The following ATRNL1 variants were observed in gnomAD, a reference collection of about 807,000 sequenced individuals.
The protein encoded by ATRNL1 is attractin-like protein 1.
ATRNL1 carries 95 observed loss-of-function variants against 182.7 expected under a neutral mutation model. The ratio of observed to expected loss-of-function variants is 0.52; its 90% CI spans 0.44 to 0.62. ATRNL1 has a LOEUF of 0.62. Ranked by LOEUF, ATRNL1 falls within the 20% of genes least tolerant of loss-of-function variation. The pLI, the probability that ATRNL1 is intolerant of heterozygous loss-of-function variation, is 0.00. For synonymous variants in ATRNL1, 576 were observed against 568.3 expected, an observed-to-expected ratio of 1.01 and a Z score of -0.19; for missense variants, 1,471 against 1,679.5, an observed-to-expected ratio of 0.88 and a Z score of 2.17.
At chr10:115,117,188 C>T (rs1844525198) in intron 1 of ATRNL1, among the ~76,000 whole-genome samples, 1 of 151,912 alleles carries the variant, frequency 6.6e-6, no homozygotes, top group Admixed American at 6.6e-5. Flanking sequence ...AGCATGTATC[C>T]TTTGTGTTAC....
chr10:115,100,902 G>A (rs1843743387), intron 1 of ATRNL1, among the ~76,000 whole-genome samples: 1 of 152,142 alleles, frequency 6.6e-6, no homozygotes, highest in South Asian at 2.1e-4. Flanking sequence ...TAATCTGTCA[G>A]CAGTGTTTTT....
intron 1 of ATRNL1, among the ~76,000 whole-genome samples, chr10:115,095,378 A>ATT (rs2084986385): frequency 6.8e-6 from 1 of 147,204 alleles, no homozygotes. Flanking sequence ...TTTTTTTTAA[A>ATT]AAAAAACTTA....
At chr10:115,353,448 A>G (rs1188742927) in intron 19 of ATRNL1, among the ~76,000 whole-genome samples, 1 of 151,642 alleles carries the variant, frequency 6.6e-6, no homozygotes, top group Non-Finnish European at 1.5e-5. Context: ...TTTTTAGTGT[A>G]TGTTGTTTTT....
chr10:115,704,522 A>G (rs1555052538), intron 26 of ATRNL1, among the ~76,000 whole-genome samples: 1 of 151,960 alleles, frequency 6.6e-6, no homozygotes, highest in Non-Finnish European at 1.5e-5. Flanking sequence ...TTTAAATTGT[A>G]TATATGAGTT....
intron 26 of ATRNL1, among the ~76,000 whole-genome samples, chr10:115,650,851 T>A (rs1173812522): frequency 6.6e-6 from 1 of 152,096 alleles, no homozygotes; most frequent in African/African-American, 2.4e-5. Context: ...CCAAAGCCAT[T>A]TCTGTGTTTT....
intron 8 of ATRNL1, among the ~76,000 whole-genome samples, chr10:115,188,385 A>G (rs1303606872): frequency 1.3e-5 from 2 of 152,074 alleles, no homozygotes; most frequent in African/African-American, 2.4e-5. Context: ...TACGGCTTTT[A>G]GGGAATCTAC....
At chr10:115,181,465 G>A (rs1847743138) in intron 8 of ATRNL1, among the ~76,000 whole-genome samples, 1 of 151,540 alleles carries the variant, frequency 6.6e-6, no homozygotes, top group Non-Finnish European at 1.5e-5. Flanking sequence ...GTCTTTCAAA[G>A]AACAAAGAGA....
At chr10:115,772,918 G>A (rs1032795980) in intron 27 of ATRNL1, among the ~76,000 whole-genome samples, 3 of 152,102 alleles carry the variant, frequency 2.0e-5, no homozygotes, top group African/African-American at 7.2e-5. Context: ...AGAGCATGGA[G>A]GGAAATTGTC....
At chr10:115,892,745 T>C (rs2134467046) in intron 28 of ATRNL1, among the ~76,000 whole-genome samples, 1 of 152,270 alleles carries the variant, frequency 6.6e-6, no homozygotes, top group East Asian at 1.9e-4. Flanking sequence ...ACTCTAGATA[T>C]AGAAAATTCA....
At chr10:115,235,658 T>C (rs1396493764) in intron 9 of ATRNL1, among the ~76,000 whole-genome samples, 1 of 152,188 alleles carries the variant, frequency 6.6e-6, no homozygotes, top group Non-Finnish European at 1.5e-5. Context: ...ATTTGGGTTG[T>C]TTTCACTTTT....
chr10:115,484,746 G>A (rs1554974846), intron 24 of ATRNL1, among the ~76,000 whole-genome samples: 1 of 151,772 alleles, frequency 6.6e-6, no homozygotes, highest in South Asian at 2.1e-4. Context: ...TTCTCTCAGA[G>A]TTAACCATAT....
At chr10:115,254,932 G>T (rs1462917027) in intron 10 of ATRNL1, among the ~76,000 whole-genome samples, 2 of 152,168 alleles carry the variant, frequency 1.3e-5, no homozygotes, top group African/African-American at 2.4e-5. Flanking sequence ...GTTTGTCAAA[G>T]ATCAGATGTT....
chr10:115,238,923 G>GT (rs1395238614), intron 9 of ATRNL1, among the ~76,000 whole-genome samples: 3 of 152,042 alleles, frequency 2.0e-5, no homozygotes, highest in African/African-American at 7.2e-5. Context: ...AGTTTGCTGA[G>GT]TTTTTATCAT....
At position 115,374,459 on chromosome 10, in the gene ATRNL1, TCC is replaced by T. The variant is rs1554948980; in HGVS notation, c.3176-20199_3176-20198del. Among the ~76,000 whole-genome samples the T allele has an allele frequency of 7.2e-4, 103 of 142,276 alleles. 1 individual carries two copies. The highest frequency in any genetic ancestry group is 2.6e-3 in the African/African-American group (101 of 39,398). The allele number at this position is 142,276 out of a possible 152,430, so 93.3% of individuals were successfully genotyped here. A position where few individuals can be genotyped will look rare whatever the true frequency, so the allele number is the denominator to read the frequency against. ...TCTCCTTCTCCTTCCTTCCTTTCCTTCCTTCCTTCCTTCCTTCCTTCCTTCCT... is the reference window on the plus strand; with the variant it reads ...TCTCCTTCTCCTTCCTTCCTTTCCTTTTCCTTCCTTCCTTCCTTCCTTCCT... On this transcript the variant is annotated intron_variant, in intron 19 of 28. Coordinates refer to ENST00000355044, the MANE Select transcript of ATRNL1 (RefSeq NM_207303.4).
intron 5 of ATRNL1, among the ~76,000 whole-genome samples, chr10:115,146,677 C>T (rs1419998087): frequency 1.3e-5 from 2 of 152,090 alleles, no homozygotes; most frequent in African/African-American, 4.8e-5. Flanking sequence ...TCCATGAGAT[C>T]AACTCTTTTA....
chr10:115,858,183 A>G (rs1951229409), intron 28 of ATRNL1, among the ~76,000 whole-genome samples: 1 of 152,204 alleles, frequency 6.6e-6, no homozygotes, highest in African/African-American at 2.4e-5. Context: ...CAGCAATCCC[A>G]TTGCTGAGTG....
At chr10:115,854,696 T>A (rs552553258) in intron 28 of ATRNL1, among the ~76,000 whole-genome samples, 2 of 152,352 alleles carry the variant, frequency 1.3e-5, no homozygotes, top group East Asian at 3.9e-4. Flanking sequence ...CTGACTTGTC[T>A]GTTTTTGTAA....
chr10:115,263,045 A>T (rs756176495), intron 10 of ATRNL1, among the ~76,000 whole-genome samples: 130 of 151,986 alleles, frequency 8.6e-4, no homozygotes, highest in Non-Finnish European at 1.6e-3. Flanking sequence ...GAGTGAATAT[A>T]CCAACATGAC....
intron 27 of ATRNL1, among the ~76,000 whole-genome samples, chr10:115,761,434 G>A (rs1025029380): frequency 6.7e-6 from 1 of 149,036 alleles, no homozygotes; most frequent in Non-Finnish European, 1.5e-5. Flanking sequence ...ATCCAGATAT[G>A]TGTATGGTGG....
Sources: allele counts gnomAD v4.1 joint callset (sites outside exome capture counted in the v4.1 genomes callset), GRCh38; gene constraint gnomAD v4.1.1; transcripts MANE v1.5; gene names NCBI Gene and HGNC (gene_info 2026-07-23, HGNC 2026-07-21).